AKT3: variants seen among roughly 807,000 people sequenced by gnomAD.
AKT3 encodes the protein AKT serine/threonine kinase 3, also known as RAC-gamma serine/threonine-protein kinase.
In AKT3, 15 loss-of-function variants were observed where a neutral mutation model predicts 65.3. The observed-to-expected ratio is 0.23, with a 90% CI of 0.15 to 0.35. The LOEUF is 0.35. AKT3 is among the 10% of genes least tolerant of loss of function. The pLI is 1.00. For missense variants in AKT3, 243 were observed against 576.5 expected, an observed-to-expected ratio of 0.42 and a Z score of 5.92; for synonymous variants, 206 against 183.8, an observed-to-expected ratio of 1.12 and a Z score of -0.98.
At chr1:243,526,020 G>A (rs1050311607) in intron 12 of AKT3, among the ~76,000 whole-genome samples, 4 of 151,130 alleles carry the variant, frequency 2.6e-5, no homozygotes, top group Admixed American at 6.6e-5. Flanking sequence ...AGTCTGTCAC[G>A]GTTCCATGAG....
intron 2 of AKT3, among the ~76,000 whole-genome samples, chr1:243,828,293 A>AGGCACTTTTATCATCTCCATT (rs1465410774): frequency 6.6e-6 from 1 of 152,216 alleles, no homozygotes; most frequent in Non-Finnish European, 1.5e-5. Flanking sequence ...CATATAAAGT[A>AGGCACTTTTATCATCTCCATT]GGCACTTTTA....
intron 8 of AKT3, among the ~76,000 whole-genome samples, chr1:243,599,490 A>G (rs1388816311): frequency 6.6e-6 from 1 of 152,182 alleles, no homozygotes; most frequent in Non-Finnish European, 1.5e-5. Flanking sequence ...ATAGAAGGTA[A>G]GAAAATAGAC....
In AKT3 at chr1:243,552,712, C is replaced by T. The variant is rs367951410; in HGVS notation, c.1163+17G>A. The T allele has an allele frequency of 3.3e-4, 534 of 1,602,996 alleles. No homozygotes were observed. The highest frequency in any genetic ancestry group is 4.3e-4 in the Non-Finnish European group (505 of 1,171,090). On this transcript the variant is annotated intron_variant, in intron 11 of 13. Transcript: ENST00000673466. ...CCACATTCATCAGTAATTCACTAAG[C>T]GTTATTTGAGGCTTACCGTTTATTT...
At chr1:243,743,191 T>C (rs551696998) in intron 2 of AKT3, among the ~76,000 whole-genome samples, 36 of 152,348 alleles carry the variant, frequency 2.4e-4, no homozygotes, top group Admixed American at 1.8e-3. Context: ...AACTCTGTGT[T>C]CAATGATAAG....
intron 2 of AKT3, among the ~76,000 whole-genome samples, chr1:243,732,393 A>G (rs1024742759): frequency 3.3e-5 from 5 of 152,184 alleles, no homozygotes; most frequent in African/African-American, 1.2e-4. Context: ...AAGGGAAGAG[A>G]TGGTGGCTGA....
chr1:243,841,837 T>TA (rs150252760), intron 2 of AKT3, among the ~76,000 whole-genome samples: 5,013 of 150,096 alleles, frequency 0.033, 166 homozygotes, highest in African/African-American at 0.077. Context: ...TACTCAACCA[T>TA]AAAAAAAAAG....
chr1:243,691,222 T>A (rs1317840269), intron 3 of AKT3, among the ~76,000 whole-genome samples: 1 of 152,160 alleles, frequency 6.6e-6, no homozygotes, highest in Admixed American at 6.6e-5. Context: ...CAGCATAGGT[T>A]GTACAGGGAA....
In AKT3 at chr1:243,742,648, A is replaced by C. The variant is rs1688233169; in HGVS notation, c.47-46932T>G. ...TCAATAAATAAATAAAACTCTGATA[A>C]TCAGAAACCTTAAACATTTCTTTTT... On this transcript the variant is annotated intron_variant, in intron 2 of 13. Coordinates refer to ENST00000673466, the MANE Select transcript of AKT3 (RefSeq NM_005465.7). 2.6e-5 allele frequency among the ~76,000 whole-genome samples: 4 copies of C among 152,166 alleles called. No homozygotes were observed. The South Asian group carries it at 6.2e-4, about 24-fold the overall frequency.
chr1:243,561,743 T>C (rs539302161), intron 10 of AKT3, among the ~76,000 whole-genome samples: 1 of 152,318 alleles, frequency 6.6e-6, no homozygotes, highest in Admixed American at 6.5e-5. Context: ...CACCAGCTGC[T>C]CTCTTTGGAA....
chr1:243,803,645 TACACACACACACACACACAC>T lies in AKT3; in HGVS notation c.46+39460_46+39479del, dbSNP rs72379577. 4.6e-4 allele frequency among the ~76,000 whole-genome samples: 63 copies of T among 136,720 alleles called. No homozygotes were observed. In the East Asian group the frequency reaches 7.4e-3, roughly 16 times the overall value. 89.7% of individuals were successfully genotyped at this position (136,720 alleles called of 152,430 possible). A position where few individuals can be genotyped will look rare whatever the true frequency, so the allele number is the denominator to read the frequency against. On this transcript the variant is annotated intron_variant, in intron 2 of 13. Coordinates refer to ENST00000673466, the MANE Select transcript of AKT3 (RefSeq NM_005465.7). ...TTGTTACAGAACAAAGACGTACATG[TACACACACACACACACACAC>T]ACACACACACACACACACACACACA...
At chr1:243,591,104 G>A (rs542681033) in intron 8 of AKT3, among the ~76,000 whole-genome samples, 1 of 152,278 alleles carries the variant, frequency 6.6e-6, no homozygotes, top group Non-Finnish European at 1.5e-5. Flanking sequence ...TAACTAGACA[G>A]AAGACAGTAC....
chr1:243,618,935 G>A (rs563133676), intron 6 of AKT3, among the ~76,000 whole-genome samples: 12 of 152,188 alleles, frequency 7.9e-5, no homozygotes, highest in Admixed American at 1.3e-4. Flanking sequence ...CACCATGAGT[G>A]TCATCTCCTT....
chr1:243,529,466 G>A (rs1389309501), intron 12 of AKT3, among the ~76,000 whole-genome samples: 1 of 152,030 alleles, frequency 6.6e-6, no homozygotes, highest in Non-Finnish European at 1.5e-5. Flanking sequence ...GTTGATTTTT[G>A]TATATGGTGT....
chr1:243,590,274 T>C (rs2148548905), intron 8 of AKT3, among the ~76,000 whole-genome samples: 1 of 152,248 alleles, frequency 6.6e-6, no homozygotes, highest in Non-Finnish European at 1.5e-5. Flanking sequence ...AACTGATAGG[T>C]GACAGACGTA....
chr1:243,686,069 C>T (rs1016333816), intron 3 of AKT3, among the ~76,000 whole-genome samples: 25 of 152,054 alleles, frequency 1.6e-4, no homozygotes, highest in African/African-American at 3.9e-4. Context: ...GACCTCTTCA[C>T]GGAAGGCTAC....
chr1:243,833,047 G>T (rs1694638919), intron 2 of AKT3, among the ~76,000 whole-genome samples: 1 of 152,070 alleles, frequency 6.6e-6, no homozygotes, highest in Non-Finnish European at 1.5e-5. Context: ...ATCACCTGAG[G>T]TCAGGAGTTC....
At chr1:243,818,010 T>C (rs1009659423) in intron 2 of AKT3, 1 of 152,222 alleles carries the variant, frequency 6.6e-6, no homozygotes, top group Non-Finnish European at 1.5e-5. Flanking sequence ...TTCTCATTCT[T>C]TGCTTCATTC....
chr1:243,597,692 G>C (rs1676723221), intron 8 of AKT3, among the ~76,000 whole-genome samples: 1 of 152,120 alleles, frequency 6.6e-6, no homozygotes, highest in Admixed American at 6.6e-5. Flanking sequence ...GGTAGATACA[G>C]GGTCTCCCTA....
At chr1:243,805,373 C>T (rs777698519) in intron 2 of AKT3, among the ~76,000 whole-genome samples, 1 of 152,140 alleles carries the variant, frequency 6.6e-6, no homozygotes, top group Non-Finnish European at 1.5e-5. Context: ...GTATTTCCTA[C>T]CACACTAGCA....
Sources: gnomAD v4.1 joint callset for allele counts (sites outside exome capture counted in the v4.1 genomes callset) on GRCh38, gnomAD v4.1.1 for gene constraint, MANE v1.5 for transcripts, NCBI Gene and HGNC (gene_info 2026-07-23, HGNC 2026-07-21) for gene names.